The following PDE1A variants were observed in gnomAD, a reference collection of about 807,000 sequenced individuals.
PDE1A encodes dual specificity calcium/calmodulin-dependent 3',5'-cyclic nucleotide phosphodiesterase 1A.
Under a neutral mutation model 61.7 loss-of-function variants are expected in PDE1A, and 35 were observed. The observed-to-expected ratio is 0.57, with a 90% CI of 0.43 to 0.75. The LOEUF (loss-of-function observed/expected upper bound fraction) is 0.75, where lower values mean the gene tolerates loss of function less well. Ranked by LOEUF, PDE1A falls within the 30% of genes least tolerant of loss-of-function variation. PDE1A has a pLI of 0.00. For missense variants in PDE1A, 597 were observed against 630.6 expected (o/e 0.95, Z 0.57); for synonymous variants, 232 against 213.2 (o/e 1.09, Z -0.77).
chr2:182,288,752 C>T (rs887717137), intron 1 of PDE1A, among the ~76,000 whole-genome samples: 1 of 152,026 alleles, frequency 6.6e-6, no homozygotes, highest in African/African-American at 2.4e-5. Context: ...CTGTGGATGA[C>T]TATGCTTGCT....
intron 2 of PDE1A, among the ~76,000 whole-genome samples, chr2:182,255,190 T>A (rs10197132): frequency 0.062 from 9,443 of 152,252 alleles, 921 homozygotes; most frequent in African/African-American, 0.21. Flanking sequence ...TAGATCAACC[T>A]GTGTTTATAG....
At chr2:182,680,444 G>A in the PDE1A span, among the ~76,000 whole-genome samples, 1 of 152,010 alleles carries the variant, frequency 6.6e-6, no homozygotes, top group Non-Finnish European at 1.5e-5. Context: ...GTTTCACCAA[G>A]TTGCCCAGGC....
At chr2:182,412,183 AT>A (rs1279340999) in intron 1 of PDE1A, among the ~76,000 whole-genome samples, 1 of 152,174 alleles carries the variant, frequency 6.6e-6, no homozygotes, top group Non-Finnish European at 1.5e-5. Flanking sequence ...CAGAAAGCAT[AT>A]AAATGTATTG....
chr2:182,158,366 G>T (rs1029210174), intron 13 of PDE1A, among the ~76,000 whole-genome samples: 4 of 152,172 alleles, frequency 2.6e-5, no homozygotes, highest in African/African-American at 9.7e-5. Flanking sequence ...TAAGTTGTGG[G>T]TGTTTTGTTA....
At chr2:182,640,950 G>A in the PDE1A span, among the ~76,000 whole-genome samples, 1 of 137,446 alleles carries the variant, frequency 7.3e-6, no homozygotes, top group African/African-American at 2.7e-5. Flanking sequence ...AACCTGGTAG[G>A]TGGAGGTTGC....
At chr2:182,359,469 T>TA in intron 1 of PDE1A, among the ~76,000 whole-genome samples, 1 of 152,276 alleles carries the variant, frequency 6.6e-6, no homozygotes, top group Admixed American at 6.5e-5. Flanking sequence ...ATCAATGATT[T>TA]ACGTAAATGA....
intron 2 of PDE1A, among the ~76,000 whole-genome samples, chr2:182,253,386 T>C (rs905310876): frequency 4.6e-5 from 7 of 152,088 alleles, no homozygotes; most frequent in African/African-American, 1.4e-4. Flanking sequence ...AGGACTAAGG[T>C]TTCCTTTGTC....
chr2:182,397,004 T>G (rs34053285), intron 1 of PDE1A, among the ~76,000 whole-genome samples: 14,977 of 152,212 alleles, frequency 0.098, 827 homozygotes, highest in Middle Eastern at 0.14. Context: ...CCCTTTTAAG[T>G]CTTCTTCAAG....
the PDE1A span, among the ~76,000 whole-genome samples, chr2:182,696,508 T>C: frequency 6.6e-6 from 1 of 152,164 alleles, no homozygotes; most frequent in African/African-American, 2.4e-5. Flanking sequence ...GCGGAGGATG[T>C]TTAGGACAGT....
At chr2:182,410,848 C>T (rs1449305840) in intron 1 of PDE1A, among the ~76,000 whole-genome samples, 1 of 152,156 alleles carries the variant, frequency 6.6e-6, no homozygotes, top group Non-Finnish European at 1.5e-5. Context: ...CCTATCCATG[C>T]CACACTAAGG....
the PDE1A span, among the ~76,000 whole-genome samples, chr2:182,679,603 T>C: frequency 6.6e-6 from 1 of 151,954 alleles, no homozygotes; most frequent in South Asian, 2.1e-4. Context: ...ACAAATAAGA[T>C]AAAACTTTTT....
the PDE1A span, among the ~76,000 whole-genome samples, chr2:182,700,853 G>A: frequency 2.0e-5 from 3 of 151,842 alleles, no homozygotes; most frequent in South Asian, 6.2e-4. Flanking sequence ...GAAGGCAGAG[G>A]TTGCAAGGAG....
chr2:182,414,042 G>A (rs748248708), intron 1 of PDE1A, among the ~76,000 whole-genome samples: 6 of 151,772 alleles, frequency 4.0e-5, no homozygotes, highest in East Asian at 1.9e-4. Context: ...AATGTGAATC[G>A]GCACTCAGAA....
chr2:182,279,104 T>C (rs543264165), intron 1 of PDE1A, among the ~76,000 whole-genome samples: 1 of 151,938 alleles, frequency 6.6e-6, no homozygotes, highest in African/African-American at 2.4e-5. Flanking sequence ...ATAATGAAAA[T>C]AGGGCATAGA....
the PDE1A span, among the ~76,000 whole-genome samples, chr2:182,621,847 T>C: frequency 5.9e-5 from 9 of 152,212 alleles, no homozygotes; most frequent in Non-Finnish European, 1.2e-4. Flanking sequence ...TGATTTAGTA[T>C]GAAATTTACA....
intron 13 of PDE1A, among the ~76,000 whole-genome samples, chr2:182,179,723 T>C (rs1453486276): frequency 6.6e-6 from 1 of 152,168 alleles, no homozygotes; most frequent in Admixed American, 6.6e-5. Flanking sequence ...CTTTCTTCCC[T>C]GCCTACTGCA....
At chr2:182,607,606 G>T in the PDE1A span, among the ~76,000 whole-genome samples, 3 of 152,090 alleles carry the variant, frequency 2.0e-5, no homozygotes, top group Non-Finnish European at 2.9e-5. Context: ...TCCACGTTTG[G>T]TTGAAAAAAG....
chr2:182,341,230 C>T (rs1249462182), intron 1 of PDE1A, among the ~76,000 whole-genome samples: 1 of 152,038 alleles, frequency 6.6e-6, no homozygotes, highest in Non-Finnish European at 1.5e-5. Flanking sequence ...AAAATTCAAG[C>T]GATTTGGGAT....
the PDE1A span, among the ~76,000 whole-genome samples, chr2:182,612,256 A>T: frequency 2.0e-5 from 3 of 152,230 alleles, no homozygotes; most frequent in African/African-American, 4.8e-5. Flanking sequence ...TTAGACAAAG[A>T]TATCAATTTC....
Sources: allele counts gnomAD v4.1 joint callset (sites outside exome capture counted in the v4.1 genomes callset), GRCh38; gene constraint gnomAD v4.1.1; transcripts MANE v1.5; gene names NCBI Gene and HGNC (gene_info 2026-07-23, HGNC 2026-07-21).